RAD50: variants seen among roughly 807,000 people sequenced by gnomAD.
RAD50 encodes the protein DNA repair protein RAD50.
Under a neutral mutation model 168.8 loss-of-function variants are expected in RAD50, and 132 were observed. The ratio of observed to expected loss-of-function variants is 0.78; its 90% CI spans 0.68 to 0.90. RAD50 has a LOEUF of 0.90. Ranked by LOEUF, RAD50 falls within the 40% of genes least tolerant of loss-of-function variation. The pLI, the probability that RAD50 is intolerant of heterozygous loss-of-function variation, is 0.00. For missense variants in RAD50, 1,347 were observed against 1,534.4 expected, an observed-to-expected ratio of 0.88 and a Z score of 2.04; for synonymous variants, 525 against 497.4, an observed-to-expected ratio of 1.06 and a Z score of -0.74.
rs778555849 is a variant in RAD50 at position 132,638,158 on chromosome 5, C to T, written c.3553C>T (p.Arg1185Ter). The T allele has an allele frequency of 2.5e-5, 41 of 1,613,952 alleles. No individual in the cohort carries two copies. Among genetic ancestry groups the T allele is most frequent in the East Asian group, 4.5e-5 (2 of 44,900 alleles). Residue 1185 changes from arginine to a stop codon, truncating the protein, a stop_gained, in exon 23 of 25, where the codon CGA becomes TGA. Transcript: ENST00000378823. LOFTEE classifies it high-confidence loss of function. ...TGATAAAAGGCGGAATTATAACTAC[C>T]GAGTGGTGATGCTGAAGGGAGACAC... is the stretch of plus-strand genomic sequence containing the variant. ...ASDKRRNYNY[R>*]VVMLKGDTAL...
chr5:132,568,177 T>A (rs113653745), intron 2 of RAD50, among the ~76,000 whole-genome samples: 3,297 of 152,148 alleles, frequency 0.022, 49 homozygotes, highest in Non-Finnish European at 0.033. Flanking sequence ...TTCAGGCAAT[T>A]TTCCTGCCTC....
At chr5:132,558,964 A>G (rs1186071863) in intron 1 of RAD50, among the ~76,000 whole-genome samples, 1 of 152,182 alleles carries the variant, frequency 6.6e-6, no homozygotes, top group Non-Finnish European at 1.5e-5. Context: ...AATGTATGTA[A>G]GAGTGCTTAG....
At chr5:132,575,728 C>A in intron 2 of RAD50, 49 bp from the exon 3 acceptor site, 1 of 1,527,278 alleles carries the variant, frequency 6.5e-7, no homozygotes, top group Non-Finnish European at 9.1e-7. Flanking sequence ...AGAACCAACA[C>A]TGGTGCTTAT....
chr5:132,613,086 A>T (rs550401372), intron 19 of RAD50, among the ~76,000 whole-genome samples: 11 of 152,022 alleles, frequency 7.2e-5, no homozygotes, highest in Non-Finnish European at 1.5e-4. Flanking sequence ...TCTCACAGGT[A>T]TCTAGAATGC....
intron 13 of RAD50, 99 bp from the exon 14 acceptor site, chr5:132,603,201 A>G (rs1193662775): frequency 4.5e-6 from 5 of 1,100,286 alleles, no homozygotes; most frequent in Middle Eastern, 2.9e-4. Context: ...TGAAAAGAAC[A>G]CAATGTCACT....
intron 13 of RAD50, among the ~76,000 whole-genome samples, chr5:132,599,174 A>G (rs548853708): frequency 3.6e-4 from 55 of 152,352 alleles, no homozygotes; most frequent in African/African-American, 1.3e-3. Context: ...TCATGGGATG[A>G]CTGGGCTCAG....
intron 2 of RAD50, among the ~76,000 whole-genome samples, chr5:132,570,820 A>C (rs1359596143): frequency 6.6e-6 from 1 of 152,236 alleles, no homozygotes; most frequent in Non-Finnish European, 1.5e-5. Flanking sequence ...CAACTCAGCT[A>C]ACTGATGAAA....
At chr5:132,637,655 G>T (rs1489539484) in intron 22 of RAD50, among the ~76,000 whole-genome samples, 1 of 151,716 alleles carries the variant, frequency 6.6e-6, no homozygotes. Flanking sequence ...TCAGCCTCCC[G>T]AGTAGTAGCT....
At chr5:132,611,233 A>G (rs1301078166) in intron 19 of RAD50, among the ~76,000 whole-genome samples, 3 of 151,946 alleles carry the variant, frequency 2.0e-5, no homozygotes, top group Admixed American at 6.6e-5. Context: ...TCTACTGAAA[A>G]TAGAAAAATT....
chr5:132,631,228 C>T (rs193267700), intron 21 of RAD50, among the ~76,000 whole-genome samples: 6 of 151,578 alleles, frequency 4.0e-5, no homozygotes, highest in African/African-American at 1.5e-4. Flanking sequence ...TCAAGCGATC[C>T]TCCTGCCTCA....
chr5:132,616,200 C>A (rs1751172806), intron 20 of RAD50, 70 bp downstream of exon 20: 2 of 1,502,886 alleles, frequency 1.3e-6, no homozygotes, highest in African/African-American at 1.4e-5. Context: ...ATATTAAATA[C>A]CTGTTTTAAA....
rs746352608 is a variant in RAD50 at position 132,618,076 on chromosome 5, T to G, written c.3171T>G (p.His1057Gln). The G allele has an allele frequency of 6.2e-7, 1 of 1,612,704 alleles. No homozygotes were observed. Among genetic ancestry groups the G allele is most frequent in the Non-Finnish European group, 8.5e-7 (1 of 1,179,116 alleles). The change falls in exon 21 of 25, where the codon CAT (histidine) becomes CAG (glutamine). Residue 1057 changes from histidine (H) to glutamine (Q), a missense_variant. His to Gln is a conservative substitution (Grantham distance 24). This residue lies in a region of RAD50 where 635 missense variants were observed against 739.2 expected (regional missense o/e 0.86). Transcript: ENST00000378823. ...TCATTTTTCTTTTTTACAGTGAACA[T>G]CAGAAGTTGGAAGAGAACATAGACA... ...QMQVLQMKSE[H>Q]QKLEENIDNI...
At chr5:132,573,829 A>G (rs1265353543) in intron 2 of RAD50, among the ~76,000 whole-genome samples, 1 of 152,224 alleles carries the variant, frequency 6.6e-6, no homozygotes, top group African/African-American at 2.4e-5. Context: ...TCCGAAATTC[A>G]GTGGGGCAGG....
rs2706362 is a variant in RAD50 at position 132,589,495 on chromosome 5, T to C, written c.1246-136T>C. On this transcript the variant is annotated intron_variant, in intron 8 of 24. Coordinates refer to ENST00000378823, the MANE Select transcript of RAD50 (RefSeq NM_005732.4). ...TAAAATTGCCTAATGATGCATTTCTTGGAATATATCCCTGCTGAGCAACAC... is the reference window on the plus strand; with the variant it reads ...TAAAATTGCCTAATGATGCATTTCTCGGAATATATCCCTGCTGAGCAACAC... 0.25 allele frequency: 165,514 copies of C among 663,260 alleles called. 24,924 individuals carry two copies. Among genetic ancestry groups the C allele is most frequent in the African/African-American group, 0.6 (32,666 of 54,754 alleles). 41.1% of individuals were successfully genotyped at this position (663,260 alleles called of 1,614,324 possible).
chr5:132,557,210 G>T lies in RAD50; in HGVS notation c.-115G>T. The T allele has an allele frequency of 1.4e-6, 2 of 1,440,246 alleles. No homozygotes were observed. The highest frequency in any genetic ancestry group is 3.5e-5 in the Admixed American group (2 of 57,530). 89.2% of individuals were successfully genotyped at this position (1,440,246 alleles called of 1,614,324 possible). A position where few individuals can be genotyped will look rare whatever the true frequency, so the allele number is the denominator to read the frequency against. On this transcript the variant is annotated 5_prime_UTR_variant, in exon 1 of 25. Coordinates refer to ENST00000378823, the MANE Select transcript of RAD50 (RefSeq NM_005732.4). ...AGTCCTGTGGCCTCGCTCCCCGCCC[G>T]GATCCTCCTGACCCTGAGATTCGCG...
At chr5:132,573,407 C>T (rs1013965591) in intron 2 of RAD50, among the ~76,000 whole-genome samples, 2 of 152,148 alleles carry the variant, frequency 1.3e-5, no homozygotes, top group African/African-American at 2.4e-5. Context: ...CATCAGATCT[C>T]GTGAGACTTA....
In RAD50 at chr5:132,603,391, G is replaced by A. The variant is rs587782282; in HGVS notation, c.2299G>A (p.Asp767Asn). ...VNRDIQRLKN[D>N]IEEQETLLGT... ...TAGAGACATACAGCGCCTAAAGAAC[G>A]ACATAGAAGAACAAGAAACACTCTT... Residue 767 changes from aspartate (D) to asparagine (N), a missense_variant, in exon 14 of 25, where the codon GAC becomes AAC. Transcript: ENST00000378823. The A allele has an allele frequency of 7.6e-5, 123 of 1,613,652 alleles. 1 individual carries two copies. The highest frequency in any genetic ancestry group is 9.3e-5 in the Non-Finnish European group (110 of 1,179,808).
chr5:132,589,671 TAGATG>T lies in RAD50; in HGVS notation c.1291_1295del (p.Glu431LysfsTer3), dbSNP rs1580993404. On this transcript the variant is annotated frameshift_variant, in exon 9 of 25. Coordinates refer to ENST00000378823, the MANE Select transcript of RAD50 (RefSeq NM_005732.4). LOFTEE classifies it high-confidence loss of function. ...AAAGAGACTCTGAAACAAAAACAGA[TAGATG>T]AGATAAGAGATAAGAAAACTGGACT... 1.9e-6 allele frequency: 3 copies of T among 1,607,580 alleles called. No individual in the cohort carries two copies. Among genetic ancestry groups the T allele is most frequent in the Non-Finnish European group, 1.7e-6 (2 of 1,177,078 alleles).
chr5:132,601,055 G>A (rs945516859), intron 13 of RAD50, among the ~76,000 whole-genome samples: 1 of 152,140 alleles, frequency 6.6e-6, no homozygotes, highest in Non-Finnish European at 1.5e-5. Context: ...AGAGTGCAGT[G>A]GCACAATCTC....
Sources: allele counts gnomAD v4.1 joint callset (sites outside exome capture counted in the v4.1 genomes callset), GRCh38; gene constraint gnomAD v4.1.1; regional missense constraint gnomAD v4.1.1; transcripts MANE v1.5; gene names NCBI Gene and HGNC (gene_info 2026-07-23, HGNC 2026-07-21).